The following ARHGAP31 variants were observed in gnomAD, a reference collection of about 807,000 sequenced individuals.
The protein encoded by ARHGAP31 is rho GTPase-activating protein 31.
A neutral mutation model predicts 113.9 loss-of-function variants in ARHGAP31; 34 were observed. The ratio of observed to expected loss-of-function variants is 0.30; its 90% CI spans 0.23 to 0.40. The LOEUF is 0.40. ARHGAP31 is among the 10% of genes least tolerant of loss of function. The pLI, the probability that ARHGAP31 is intolerant of heterozygous loss-of-function variation, is 1.00. For missense variants in ARHGAP31, 1,548 were observed against 1,767.1 expected, an observed-to-expected ratio of 0.88 and a Z score of 2.22; for synonymous variants, 650 against 684.8, an observed-to-expected ratio of 0.95 and a Z score of 0.79.
rs1007683449 is a variant in ARHGAP31 at position 119,353,392 on chromosome 3, A to T, written c.101-11924A>T. ...TTAGCATATTTTGTTTGATATGTTC[A>T]TACTGGCCAAGTGACGTAATACCTC... On this transcript the variant is annotated intron_variant, in intron 1 of 11. Transcript: ENST00000264245. Among the ~76,000 whole-genome samples, 7 of 152,196 alleles carry T rather than the reference A, an allele frequency of 4.6e-5. No individual in the cohort carries two copies. The East Asian group carries it at 7.7e-4, about 17-fold the overall frequency.
In ARHGAP31 at chr3:119,388,308, T is replaced by TATATATATATATATATATATATATA. The variant is rs1553765977; in HGVS notation, c.683-2477_683-2476insATATATATATATATATATATATATA. 6.7e-3 allele frequency among the ~76,000 whole-genome samples: 896 copies of TATATATATATATATATATATATATA among 133,414 alleles called. 20 individuals carry two copies. The highest frequency in any genetic ancestry group is 0.015 in the South Asian group (64 of 4,132). The allele number at this position is 133,414 out of a possible 152,430, so 87.5% of individuals were successfully genotyped here. On this transcript the variant is annotated intron_variant, in intron 6 of 11. Transcript: ENST00000264245. ...CATATAATATGTATATGTATAATTT[T>TATATATATATATATATATATATATA]TATATATATATATATATGTACACAT...
In ARHGAP31 at chr3:119,413,837, G is replaced by C; in HGVS notation, c.1927-19G>C. The stretch of plus-strand genomic sequence containing the variant: ...AGAGTACTTAGTTCTAAGACAATCA[G>C]TTTATTGATGTTTTTCAGGATGAAG... On this transcript the variant is annotated intron_variant, in intron 11 of 11. Coordinates refer to ENST00000264245, the MANE Select transcript of ARHGAP31 (RefSeq NM_020754.4). 6.2e-7 allele frequency: 1 copy of C among 1,614,194 alleles called. No individual in the cohort carries two copies. The highest frequency in any genetic ancestry group is 1.6e-4 in the Middle Eastern group (1 of 6,062).
intron 10 of ARHGAP31, among the ~76,000 whole-genome samples, chr3:119,404,719 C>G (rs2080645323): frequency 6.6e-6 from 1 of 152,058 alleles, no homozygotes; most frequent in South Asian, 2.1e-4. Flanking sequence ...CCAGTGTGAC[C>G]CAAAGCGTAG....
At chr3:119,332,604 T>TTCTCTCTCTCTCTCTC (rs34228523) in intron 1 of ARHGAP31, among the ~76,000 whole-genome samples, 2 of 105,902 alleles carry the variant, frequency 1.9e-5, no homozygotes, top group South Asian at 3.6e-4. Context: ...CTCTCTCTCT[T>TTCTCTCTCTCTCTCTC]TCTCTCTCTC....
rs576893066 is a variant in ARHGAP31, at chr3:119,394,477, T to C, written c.1006+886T>C. Among the ~76,000 whole-genome samples the C allele has an allele frequency of 9.9e-4, 150 of 152,182 alleles. 1 individual carries two copies. Among genetic ancestry groups the C allele is most frequent in the African/African-American group, 3.4e-3 (141 of 41,530 alleles). ...CATATATAGTGGGGAATTTAACCAA[T>C]GCAGCTGAATATTATGTCAGGAAAG... On this transcript the variant is annotated intron_variant, in intron 8 of 11. Transcript: ENST00000264245.
At chr3:119,327,827 T>C (rs2079859429) in intron 1 of ARHGAP31, among the ~76,000 whole-genome samples, 1 of 152,252 alleles carries the variant, frequency 6.6e-6, no homozygotes, top group Non-Finnish European at 1.5e-5. Context: ...ATTTGTTGAA[T>C]GAATGAACAG....
chr3:119,420,673 T>C lies in ARHGAP31; in HGVS notation c.*4409T>C, dbSNP rs1452949957. 1 of 152,256 alleles carries C rather than the reference T, an allele frequency of 6.6e-6. No individual in the cohort carries two copies. The highest frequency in any genetic ancestry group is 2.4e-5 in the African/African-American group (1 of 41,468). 9.4% of individuals were successfully genotyped at this position (152,256 alleles called of 1,614,324 possible). A position where few individuals can be genotyped will look rare whatever the true frequency, so the allele number is the denominator to read the frequency against. ...GCAATAACTTAATGTCATAGTACTT[T>C]CTGGCTTATAATTCTGCAAAGTAAA... On this transcript the variant is annotated 3_prime_UTR_variant, in exon 12 of 12. Transcript: ENST00000264245.
chr3:119,376,959 C>T (rs879362505), intron 3 of ARHGAP31, among the ~76,000 whole-genome samples: 4 of 152,206 alleles, frequency 2.6e-5, no homozygotes, highest in Non-Finnish European at 5.9e-5. Flanking sequence ...GGATATTGGT[C>T]ATCCTACTGG....
chr3:119,323,534 G>A, intron 1 of ARHGAP31, among the ~76,000 whole-genome samples: 1 of 152,036 alleles, frequency 6.6e-6, no homozygotes, highest in East Asian at 1.9e-4. Flanking sequence ...AGGAAGAGGA[G>A]AAACCTGTCT....
intron 1 of ARHGAP31, among the ~76,000 whole-genome samples, chr3:119,332,571 A>G (rs1276880910): frequency 6.6e-6 from 1 of 150,618 alleles, no homozygotes; most frequent in Non-Finnish European, 1.5e-5. Context: ...TCTCTGGAGC[A>G]GAGTGCACAG....
At chr3:119,404,389 G>A (rs1311677452) in intron 10 of ARHGAP31, among the ~76,000 whole-genome samples, 1 of 152,144 alleles carries the variant, frequency 6.6e-6, no homozygotes, top group Non-Finnish European at 1.5e-5. Flanking sequence ...GGCAGTCAGG[G>A]CAGAAAGAGG....
At chr3:119,304,228 A>T (rs557883409) in intron 1 of ARHGAP31, among the ~76,000 whole-genome samples, 2 of 152,310 alleles carry the variant, frequency 1.3e-5, no homozygotes, top group South Asian at 4.1e-4. Context: ...GACCTAAAGG[A>T]TTCAAAGAGG....
chr3:119,308,112 G>A (rs906528365), intron 1 of ARHGAP31, among the ~76,000 whole-genome samples: 50 of 152,212 alleles, frequency 3.3e-4, no homozygotes, highest in African/African-American at 1.2e-3. Flanking sequence ...TATTTAGCAA[G>A]GTGATCAGAA....
chr3:119,352,566 T>G (rs756506604), intron 1 of ARHGAP31, among the ~76,000 whole-genome samples: 53 of 152,156 alleles, frequency 3.5e-4, no homozygotes, highest in Admixed American at 6.5e-4. Context: ...TTTTTTTCTT[T>G]TTGTGGCAAG....
At chr3:119,304,957 G>A (rs7620780) in intron 1 of ARHGAP31, among the ~76,000 whole-genome samples, 53,736 of 151,730 alleles carry the variant, frequency 0.35, 11,799 homozygotes, top group African/African-American at 0.62. Flanking sequence ...TTAAAAAATG[G>A]TGCTAACTGA....
intron 6 of ARHGAP31, among the ~76,000 whole-genome samples, chr3:119,386,076 G>C (rs1414031717): frequency 6.6e-6 from 1 of 152,040 alleles, no homozygotes; most frequent in Non-Finnish European, 1.5e-5. Context: ...TGCCTCCAGT[G>C]CTTATTATTC....
intron 1 of ARHGAP31, among the ~76,000 whole-genome samples, chr3:119,313,897 C>T (rs1414342406): frequency 3.3e-5 from 5 of 152,198 alleles, no homozygotes; most frequent in Non-Finnish European, 5.9e-5. Flanking sequence ...ACATTTATAT[C>T]CATAGATTCT....
chr3:119,358,118 A>T (rs775938203), intron 1 of ARHGAP31, among the ~76,000 whole-genome samples: 1 of 152,250 alleles, frequency 6.6e-6, no homozygotes, highest in Non-Finnish European at 1.5e-5. Flanking sequence ...TGCCAATCAT[A>T]GGTCTAATAA....
intron 1 of ARHGAP31, among the ~76,000 whole-genome samples, chr3:119,317,061 T>C (rs554491070): frequency 4.8e-4 from 73 of 152,350 alleles, no homozygotes; most frequent in Non-Finnish European, 8.1e-4. Flanking sequence ...ATTTTGTAAA[T>C]AGCCTGCAGA....
Sources: gnomAD v4.1 joint callset for allele counts (sites outside exome capture counted in the v4.1 genomes callset) on GRCh38, gnomAD v4.1.1 for gene constraint, MANE v1.5 for transcripts, NCBI Gene and HGNC (gene_info 2026-07-23, HGNC 2026-07-21) for gene names.